AMACR: variants seen among roughly 807,000 people sequenced by gnomAD.
The protein encoded by AMACR is alpha-methylacyl-CoA racemase.
In AMACR, 18 loss-of-function variants were observed where a neutral mutation model predicts 22.2. That is an observed-to-expected ratio of 0.81 (90% CI 0.56 to 1.20). AMACR has a LOEUF of 1.20. AMACR is among the 50% of genes most tolerant of loss of function. The probability of loss-of-function intolerance (pLI) is 0.00; values close to 1 mark genes in which losing one functional copy is unlikely to be tolerated. For missense variants in AMACR, 499 were observed against 490.6 expected (o/e 1.02, Z -0.16); for synonymous variants, 213 against 191.3 (o/e 1.11, Z -0.94).
At chr5:33,999,049 A>G (rs1214784254) in intron 3 of AMACR, among the ~76,000 whole-genome samples, 2 of 152,250 alleles carry the variant, frequency 1.3e-5, no homozygotes, top group African/African-American at 4.8e-5. Context: ...CAAAAATACT[A>G]TAAGACTTAG....
intron 4 of AMACR, among the ~76,000 whole-genome samples, chr5:33,992,003 C>G (rs960121407): frequency 1.3e-5 from 2 of 152,076 alleles, no homozygotes; most frequent in Non-Finnish European, 2.9e-5. Context: ...CTCAGCCTCC[C>G]GAGTAGCTGC....
chr5:33,988,136 T>C lies in AMACR; in HGVS notation c.*957A>G, dbSNP rs1403932517. On this transcript the variant is annotated 3_prime_UTR_variant, in exon 5 of 5. Transcript: ENST00000335606. Reference sequence around the variant, plus strand: ...GGCACCCGGATTAGATTGTGGAATCTACCCCTTCCTCACATGCCTTTAGGA... The same window carrying C: ...GGCACCCGGATTAGATTGTGGAATCCACCCCTTCCTCACATGCCTTTAGGA... 1.7e-6 allele frequency: 1 copy of C among 577,782 alleles called. No individual in the cohort carries two copies. The highest frequency in any genetic ancestry group is 1.9e-5 in the African/African-American group (1 of 53,624). 35.8% of individuals were successfully genotyped at this position (577,782 alleles called of 1,614,324 possible).
rs1487457870 is a variant in AMACR, at chr5:33,989,370, T to A, written c.872A>T (p.Asp291Val). The A allele has an allele frequency of 6.2e-7, 1 of 1,614,224 alleles. No individual in the cohort carries two copies. The highest frequency in any genetic ancestry group is 1.1e-5 in the South Asian group (1 of 91,082). ...AEWCQIFDGT[D>V]ACVTPVLTFE... ...AGTCAGAACCGGAGTCACACAGGCA[T>A]CTGTGCCGTCAAAGATTTGACACCA... Residue 291 changes from aspartate (D) to valine (V), a missense_variant, in exon 5 of 5, where the codon GAT becomes GTT. Coordinates refer to ENST00000335606, the MANE Select transcript of AMACR (RefSeq NM_014324.6).
rs1753288441 is a variant in AMACR at position 33,986,293 on chromosome 5, CTG to C, written c.*2798_*2799del. 3 of 152,226 alleles carry C rather than the reference CTG, an allele frequency of 2.0e-5. No homozygotes were observed. In the South Asian group the frequency reaches 6.2e-4, roughly 32 times the overall value. The allele number at this position is 152,226 out of a possible 1,614,324, so 9.4% of individuals were successfully genotyped here. On this transcript the variant is annotated 3_prime_UTR_variant, in exon 5 of 5. Transcript: ENST00000335606. ...GTCACACCCTTCTTCAAATCATTAG[CTG>C]TGTCAGATCGCCCTGATATTTCTCC...
At chr5:33,998,946 G>T in intron 3 of AMACR, 119 bp from the exon 4 acceptor site, 3 of 872,260 alleles carry the variant, frequency 3.4e-6, no homozygotes, top group East Asian at 2.6e-5. Flanking sequence ...AGTATACGAA[G>T]ATTCTACCTA....
chr5:34,003,171 A>G (rs943091178), intron 3 of AMACR, among the ~76,000 whole-genome samples: 1 of 152,140 alleles, frequency 6.6e-6, no homozygotes, highest in African/African-American at 2.4e-5. Flanking sequence ...CTGCCCACGC[A>G]TTCCTTAAAT....
chr5:34,002,006 AT>A, intron 3 of AMACR, among the ~76,000 whole-genome samples: 1 of 152,246 alleles, frequency 6.6e-6, no homozygotes, highest in South Asian at 2.1e-4. Context: ...TATTTAATTT[AT>A]TTATTTTGAA....
intron 2 of AMACR, 31 bp downstream of exon 2, chr5:34,005,723 TAA>T (rs758426797): frequency 6.2e-7 from 1 of 1,612,782 alleles, no homozygotes; most frequent in Non-Finnish European, 8.5e-7. Context: ...TGGAATAAAT[TAA>T]AAGTGTAGAC....
Position 33,988,808 on chromosome 5 carries a change from T to G in AMACR, c.*285A>C. The G allele has an allele frequency of 7.8e-7, 1 of 1,276,098 alleles. No individual in the cohort carries two copies. The highest frequency in any genetic ancestry group is 9.9e-7 in the Non-Finnish European group (1 of 1,008,862). The allele number at this position is 1,276,098 out of a possible 1,614,324, so 79.0% of individuals were successfully genotyped here. A position where few individuals can be genotyped will look rare whatever the true frequency, so the allele number is the denominator to read the frequency against. On this transcript the variant is annotated 3_prime_UTR_variant, in exon 5 of 5. Coordinates refer to ENST00000335606, the MANE Select transcript of AMACR (RefSeq NM_014324.6). ...TTTTCACTAGAACCCATTCAAAATA[T>G]AAGTCAAGAATCTTAATATCAACAA...
intron 4 of AMACR, among the ~76,000 whole-genome samples, chr5:33,992,745 G>C (rs1053590844): frequency 6.6e-6 from 1 of 152,050 alleles, no homozygotes; most frequent in Non-Finnish European, 1.5e-5. Flanking sequence ...TTGTGCATTT[G>C]TATGTGTACA....
At position 33,989,079 on chromosome 5, in the gene AMACR, C is replaced by T. The variant is rs767532180; in HGVS notation, c.*14G>A. 21 of 1,613,972 alleles carry T rather than the reference C, an allele frequency of 1.3e-5. No homozygotes were observed. Among genetic ancestry groups the T allele is most frequent in the African/African-American group, 2.7e-5 (2 of 75,004 alleles). ...ATGCAGTATTCAAATTCACTTGAGC[C>T]GTGGGCCTGGAAGTTAGAGACTAGC... is the stretch of plus-strand genomic sequence containing the variant. On this transcript the variant is annotated 3_prime_UTR_variant, in exon 5 of 5. Transcript: ENST00000335606.
In AMACR at chr5:33,996,977, A is replaced by C. The variant is rs533283261; in HGVS notation, c.739+1664T>G. 5 of 586,334 alleles carry C rather than the reference A, an allele frequency of 8.5e-6. No homozygotes were observed. The South Asian group carries it at 1.0e-4, about 12-fold the overall frequency. The allele number at this position is 586,334 out of a possible 1,614,324, so 36.3% of individuals were successfully genotyped here. A position where few individuals can be genotyped will look rare whatever the true frequency, so the allele number is the denominator to read the frequency against. ...AGGAGTCCTGGGAGTTGTCACATTA[A>C]ATTATTTAAAATGTCCAGTATTTTT... On this transcript the variant is annotated intron_variant, in intron 4 of 4. Coordinates refer to ENST00000335606, the MANE Select transcript of AMACR (RefSeq NM_014324.6).
Position 33,989,055 on chromosome 5 carries a change from T to C in AMACR, c.*38A>G, listed in dbSNP as rs748561928. The C allele has an allele frequency of 2.5e-6, 4 of 1,613,384 alleles. No individual in the cohort carries two copies. Among genetic ancestry groups the C allele is most frequent in the Admixed American group, 3.3e-5 (2 of 59,990 alleles). On this transcript the variant is annotated 3_prime_UTR_variant, in exon 5 of 5. Coordinates refer to ENST00000335606, the MANE Select transcript of AMACR (RefSeq NM_014324.6). ...GTTATGTGTTACTCTACACTGTAAA[T>C]GCAGTATTCAAATTCACTTGAGCCG...
chr5:33,991,868 TTTTTA>T (rs1346375388), intron 4 of AMACR, among the ~76,000 whole-genome samples: 1 of 151,774 alleles, frequency 6.6e-6, no homozygotes, highest in Non-Finnish European at 1.5e-5. Flanking sequence ...AGCCTCCCTA[TTTTTA>T]TTTATTTGTT....
chr5:33,998,636 C>G lies in AMACR; in HGVS notation c.739+5G>C, dbSNP rs1753713309. The stretch of plus-strand genomic sequence containing the variant: ...AACTGGGGGAGACGCGTGAAGTTCA[C>G]TTACCTTTGATCAGCAGCTCGTAGA... On this transcript the variant is annotated splice_donor_5th_base_variant and intron_variant, in intron 4 of 4. Transcript: ENST00000335606. 1.2e-6 allele frequency: 2 copies of G among 1,602,712 alleles called. No individual in the cohort carries two copies. Among genetic ancestry groups the G allele is most frequent in the South Asian group, 2.2e-5 (2 of 89,950 alleles).
chr5:33,995,549 C>T (rs1202164521), intron 4 of AMACR, among the ~76,000 whole-genome samples: 1 of 152,186 alleles, frequency 6.6e-6, no homozygotes, highest in African/African-American at 2.4e-5. Flanking sequence ...AGATGGAAAA[C>T]GCATTAACTT....
At chr5:33,997,536 C>T (rs1236305818) in intron 4 of AMACR, 2 of 779,308 alleles carry the variant, frequency 2.6e-6, no homozygotes, top group Admixed American at 3.4e-5. Flanking sequence ...AGGACCAGAA[C>T]TCAGAAAATG....
chr5:33,999,833 A>G (rs1392637213), intron 3 of AMACR, among the ~76,000 whole-genome samples: 1 of 152,220 alleles, frequency 6.6e-6, no homozygotes, highest in Non-Finnish European at 1.5e-5. Context: ...TATTGTCACC[A>G]AATAGCTGAG....
intron 1 of AMACR, among the ~76,000 whole-genome samples, chr5:34,007,142 A>C (rs987840065): frequency 6.6e-6 from 1 of 152,252 alleles, no homozygotes; most frequent in Admixed American, 6.5e-5. Context: ...GAAGAAGGAA[A>C]GGCTCATTTT....
Sources: gnomAD v4.1 joint callset for allele counts (sites outside exome capture counted in the v4.1 genomes callset) on GRCh38, gnomAD v4.1.1 for gene constraint, MANE v1.5 for transcripts, NCBI Gene and HGNC (gene_info 2026-07-23, HGNC 2026-07-21) for gene names.